Variants in SAFB observed in about 807,000 individuals in gnomAD.
SAFB encodes the protein scaffold attachment factor B1.
Under a neutral mutation model 101.6 loss-of-function variants are expected in SAFB, and 15 were observed. That is an observed-to-expected ratio of 0.15 (90% CI 0.10 to 0.23). SAFB has a LOEUF of 0.23. Ranked by LOEUF, SAFB falls within the 10% of genes least tolerant of loss-of-function variation. The pLI is 1.00. For synonymous variants in SAFB, 449 were observed against 407.5 expected (o/e 1.10, Z -1.23); for missense variants, 930 against 1,104.1 (o/e 0.84, Z 2.23).
chr19:5,649,971 A>C lies in SAFB; in HGVS notation c.1194A>C (p.Glu398Asp), dbSNP rs138365479. 3 of 1,613,756 alleles carry C rather than the reference A, an allele frequency of 1.9e-6. No homozygotes were observed. The highest frequency in any genetic ancestry group is 1.7e-6 in the Non-Finnish European group (2 of 1,179,644). ...DSDTKRLSKE[E>D]KGRSSCGRNF... ...ATACAAAAAGGCTTTCCAAAGAGGAAAAGGGTAGGTCACCTCGGCGACACC... is the reference window on the plus strand; with the variant it reads ...ATACAAAAAGGCTTTCCAAAGAGGACAAGGGTAGGTCACCTCGGCGACACC... Residue 398 changes from glutamate (E) to aspartate (D), a missense_variant, in exon 8 of 21, where the codon GAA becomes GAC. Physicochemically the swap from Glu to Asp is conservative, Grantham distance 45 (BLOSUM62 2). This residue lies in a region of SAFB where 68 missense variants were observed against 122.1 expected (regional missense o/e 0.56). Coordinates refer to ENST00000588852, the MANE Select transcript of SAFB (RefSeq NM_001201338.2).
In SAFB at chr19:5,667,931, T is replaced by A; in HGVS notation, c.2624+45T>A. On this transcript the variant is annotated intron_variant, in intron 20 of 20. Coordinates refer to ENST00000588852, the MANE Select transcript of SAFB (RefSeq NM_001201338.2). The surrounding 1 kb of genome is among the most constrained non-coding windows in gnomAD (Gnocchi z 4.0). ...GCGCCCCTTCCCCCTGCTTTGCATA[T>A]TGGCCTACCTTGCTGGAGGCTTAAC... 6.5e-7 allele frequency: 1 copy of A among 1,542,566 alleles called. No individual in the cohort carries two copies. Among genetic ancestry groups the A allele is most frequent in the Non-Finnish European group, 8.8e-7 (1 of 1,139,314 alleles).
At chr19:5,656,605 ATCGC>A (rs1413528224) in intron 13 of SAFB, among the ~76,000 whole-genome samples, 1 of 132,200 alleles carries the variant, frequency 7.6e-6, no homozygotes, top group Non-Finnish European at 1.6e-5. Flanking sequence ...TTGTCAGAGT[ATCGC>A]TCTGTCGCCC....
chr19:5,625,406 G>A (rs1413801928), intron 1 of SAFB, among the ~76,000 whole-genome samples: 2 of 152,206 alleles, frequency 1.3e-5, no homozygotes, highest in Non-Finnish European at 2.9e-5. Context: ...CTTCTGAGAG[G>A]AGAGATTTTT....
intron 4 of SAFB, among the ~76,000 whole-genome samples, chr19:5,642,675 T>TTTTTTC (rs2053746894): frequency 7.1e-6 from 1 of 140,140 alleles, no homozygotes; most frequent in Admixed American, 7.2e-5. Flanking sequence ...TTTTTTTTTT[T>TTTTTTC]TTCTGAGACA....
At chr19:5,649,869 T>A in intron 7 of SAFB, 57 bp from the exon 8 acceptor site, 3 of 1,507,472 alleles carry the variant, frequency 2.0e-6, no homozygotes, top group Non-Finnish European at 2.8e-6. Flanking sequence ...TTTATGGTTT[T>A]GAGTTTGTTT....
chr19:5,661,186 G>A (rs1405876377), intron 14 of SAFB, among the ~76,000 whole-genome samples: 2 of 152,068 alleles, frequency 1.3e-5, no homozygotes, highest in African/African-American at 4.8e-5. Flanking sequence ...CTCCCAAAGT[G>A]CTGGCATTAC....
intron 9 of SAFB, among the ~76,000 whole-genome samples, chr19:5,652,351 G>T (rs1265615987): frequency 2.0e-5 from 3 of 152,208 alleles, no homozygotes; most frequent in African/African-American, 7.2e-5. Context: ...TCCCCCAGCG[G>T]GTGGGTGTGC....
chr19:5,661,535 G>A lies in SAFB; in HGVS notation c.1880G>A (p.Ser627Asn). Residue 627 changes from serine (S) to asparagine (N), a missense_variant, in exon 15 of 21, where the codon AGT becomes AAT. Ser to Asn is a conservative substitution (Grantham distance 46). Coordinates refer to ENST00000588852, the MANE Select transcript of SAFB (RefSeq NM_001201338.2). ...TTGTGCAGCAGGGTGCGTGAACGCA[G>A]TGAACGCGAACAACGCATGCAGGCG... is the stretch of plus-strand genomic sequence containing the variant. The part of the protein sequence containing the change: ...SESHSRVRER[S>N]EREQRMQAQW... 2 of 1,612,876 alleles carry A rather than the reference G, an allele frequency of 1.2e-6. No homozygotes were observed. The highest frequency in any genetic ancestry group is 1.7e-6 in the Non-Finnish European group (2 of 1,179,812).
intron 2 of SAFB, among the ~76,000 whole-genome samples, chr19:5,635,265 C>T (rs759661041): frequency 2.0e-5 from 3 of 152,046 alleles, no homozygotes; most frequent in Non-Finnish European, 4.4e-5. Flanking sequence ...GGGGAACTGC[C>T]GTAGCATGGA....
At position 5,659,812 on chromosome 19, in the gene SAFB, C is replaced by G. The variant is rs529523208; in HGVS notation, c.1863-1706C>G. The stretch of plus-strand genomic sequence containing the variant: ...CTGGGGGGCCCCCACAGGAGCCTGC[C>G]GTGCTAAACACTAGAGTGTTCCAGA... On this transcript the variant is annotated intron_variant, in intron 14 of 20. Transcript: ENST00000588852. Among the ~76,000 whole-genome samples the G allele has an allele frequency of 2.0e-5, 3 of 152,302 alleles. No individual in the cohort carries two copies. The South Asian group carries it at 6.2e-4, about 32-fold the overall frequency.
chr19:5,627,927 C>T (rs1050268022), intron 2 of SAFB, among the ~76,000 whole-genome samples: 3 of 152,154 alleles, frequency 2.0e-5, no homozygotes, highest in African/African-American at 7.2e-5. Flanking sequence ...AATGGTTTAA[C>T]TTGGTAACAC....
At chr19:5,641,208 C>G (rs1228483998) in intron 2 of SAFB, among the ~76,000 whole-genome samples, 1 of 152,154 alleles carries the variant, frequency 6.6e-6, no homozygotes, top group Non-Finnish European at 1.5e-5. Context: ...TGTGCATACT[C>G]GGGCATGCGC....
At chr19:5,665,933 C>T (rs2054317977) in intron 17 of SAFB, 1 of 152,196 alleles carries the variant, frequency 6.6e-6, no homozygotes, top group East Asian at 1.9e-4. Context: ...GGAGGATAGG[C>T]CAGGAAGCAG....
chr19:5,664,819 C>G (rs1334279492), intron 17 of SAFB: 1 of 251,134 alleles, frequency 4.0e-6, no homozygotes, highest in Non-Finnish European at 7.9e-6. Flanking sequence ...TGTCTGTCCT[C>G]GAGTGCCTGC....
At chr19:5,638,874 C>G (rs1030580569) in intron 2 of SAFB, among the ~76,000 whole-genome samples, 1 of 152,074 alleles carries the variant, frequency 6.6e-6, no homozygotes, top group African/African-American at 2.4e-5. Flanking sequence ...CGCCTGCCAC[C>G]ACGCCTGGCT....
rs544122193 is a variant in SAFB at position 5,668,434 on chromosome 19, T to G, written c.*143T>G. On this transcript the variant is annotated 3_prime_UTR_variant, in exon 21 of 21. Coordinates refer to ENST00000588852, the MANE Select transcript of SAFB (RefSeq NM_001201338.2). ...TGTGAATTTGTTTTTCGTTTTGGGGTTTTTTTTTTTTGTAATAAATGTGTT... is the reference window on the plus strand; with the variant it reads ...TGTGAATTTGTTTTTCGTTTTGGGGGTTTTTTTTTTTGTAATAAATGTGTT... The G allele has an allele frequency of 7.5e-5, 29 of 388,164 alleles. No homozygotes were observed. The highest frequency in any genetic ancestry group is 6.2e-4 in the East Asian group (8 of 12,864). The allele number at this position is 388,164 out of a possible 1,614,324, so 24.0% of individuals were successfully genotyped here.
chr19:5,651,506 G>A (rs2053937203), intron 9 of SAFB, among the ~76,000 whole-genome samples: 1 of 152,154 alleles, frequency 6.6e-6, no homozygotes, highest in South Asian at 2.1e-4. Flanking sequence ...GGTGTCTTGG[G>A]TCCATTGACT....
rs1169174712 is a variant in SAFB, at chr19:5,648,063, T to C, written c.637+20T>C. On this transcript the variant is annotated intron_variant, in intron 6 of 20. Coordinates refer to ENST00000588852, the MANE Select transcript of SAFB (RefSeq NM_001201338.2). ...AGCCAGGTACTGTTAAATGAAAAACTTACCAGCGGGGGTTTGGAACCATTC... is the reference window on the plus strand; with the variant it reads ...AGCCAGGTACTGTTAAATGAAAAACCTACCAGCGGGGGTTTGGAACCATTC... The C allele has an allele frequency of 6.2e-7, 1 of 1,602,636 alleles. No individual in the cohort carries two copies. The highest frequency in any genetic ancestry group is 8.5e-7 in the Non-Finnish European group (1 of 1,173,554).
Position 5,641,960 on chromosome 19 carries a change from A to T in SAFB, c.546+14A>T. The T allele has an allele frequency of 6.2e-7, 1 of 1,606,218 alleles. No homozygotes were observed. Among genetic ancestry groups the T allele is most frequent in the Non-Finnish European group, 8.5e-7 (1 of 1,172,888 alleles). ...CAGGAACATGCTGTAGGTAACCGGC[A>T]ATGTCTCTAGAATGTGCCCTGAATG... is the stretch of plus-strand genomic sequence containing the variant. On this transcript the variant is annotated intron_variant, in intron 4 of 20. Transcript: ENST00000588852.
Sources: allele counts gnomAD v4.1 joint callset (sites outside exome capture counted in the v4.1 genomes callset), GRCh38; gene constraint gnomAD v4.1.1; regional missense constraint gnomAD v4.1.1; non-coding constraint Gnocchi (gnomAD v3.1); transcripts MANE v1.5; gene names NCBI Gene and HGNC (gene_info 2026-07-23, HGNC 2026-07-21).